The following BTBD16 variants were observed in gnomAD, a reference collection of about 807,000 sequenced individuals.
The protein encoded by BTBD16 is BTB domain containing 16, also known as BTB/POZ domain-containing protein 16.
In BTBD16, 66 loss-of-function variants were observed where a neutral mutation model predicts 67.4. That is an observed-to-expected ratio of 0.98 (90% confidence interval 0.80 to 1.20). The LOEUF is 1.20. BTBD16 is among the 50% of genes most tolerant of loss of function. The probability of loss-of-function intolerance (pLI) is 0.00; values close to 1 mark genes in which losing one functional copy is unlikely to be tolerated. For missense variants in BTBD16, 634 were observed against 616.0 expected (o/e 1.03, Z -0.31); for synonymous variants, 242 against 236.4 (o/e 1.02, Z -0.22).
intron 9 of BTBD16, among the ~76,000 whole-genome samples, chr10:122,301,463 T>C (rs977681062): frequency 6.6e-6 from 1 of 152,100 alleles, no homozygotes; most frequent in African/African-American, 2.4e-5. Flanking sequence ...TCCAGGGCTA[T>C]CACTGAAGGG....
intron 11 of BTBD16, 51 bp from the exon 12 acceptor site, chr10:122,331,125 G>A (rs368761159): frequency 1.3e-6 from 2 of 1,579,786 alleles, no homozygotes; most frequent in Non-Finnish European, 1.7e-6. Context: ...AGACTTTTGA[G>A]GCTCTGGTGT....
chr10:122,299,189 G>A, intron 9 of BTBD16, 55 bp downstream of exon 9: 1 of 1,593,140 alleles, frequency 6.3e-7, no homozygotes, highest in South Asian at 1.1e-5. Context: ...AGAAAGTAGG[G>A]GCCAGGCTGG....
At chr10:122,284,527 T>C (rs2096359581) in intron 4 of BTBD16, among the ~76,000 whole-genome samples, 1 of 152,162 alleles carries the variant, frequency 6.6e-6, no homozygotes, top group Non-Finnish European at 1.5e-5. Context: ...TTTGTCTCTT[T>C]GGGCTCTAAC....
At chr10:122,280,576 A>ATATTATATTG (rs1269384299) in intron 3 of BTBD16, among the ~76,000 whole-genome samples, 5 of 148,568 alleles carry the variant, frequency 3.4e-5, no homozygotes, top group Non-Finnish European at 5.9e-5. Flanking sequence ...ATATTATATT[A>ATATTATATTG]TATTATATTG....
At chr10:122,276,610 G>T (rs1231381408) in intron 2 of BTBD16, among the ~76,000 whole-genome samples, 181 bp from the exon 3 acceptor site, 1 of 152,134 alleles carries the variant, frequency 6.6e-6, no homozygotes, top group Non-Finnish European at 1.5e-5. Context: ...TGAGATCCTT[G>T]GTCTATGGAA....
chr10:122,311,533 G>A (rs1490748416), intron 10 of BTBD16, among the ~76,000 whole-genome samples: 2 of 152,212 alleles, frequency 1.3e-5, no homozygotes, highest in Non-Finnish European at 2.9e-5. Flanking sequence ...CATCTATGAA[G>A]GAAAAGTCAT....
intron 13 of BTBD16, among the ~76,000 whole-genome samples, chr10:122,333,593 G>T (rs1199161938): frequency 6.6e-6 from 1 of 152,112 alleles, no homozygotes; most frequent in East Asian, 1.9e-4. Flanking sequence ...TGAATGTTGG[G>T]GTGAGGCATG....
chr10:122,316,184 T>G (rs951612930), intron 10 of BTBD16, among the ~76,000 whole-genome samples: 3 of 152,260 alleles, frequency 2.0e-5, no homozygotes, highest in African/African-American at 7.2e-5. Flanking sequence ...AGAGAATCGC[T>G]TGAACCTGGG....
intron 5 of BTBD16, among the ~76,000 whole-genome samples, chr10:122,289,081 G>T (rs1313740634): frequency 6.6e-6 from 1 of 152,094 alleles, no homozygotes; most frequent in Non-Finnish European, 1.5e-5. Context: ...TGGTGGCAGG[G>T]GTCCCCAGAG....
rs373885352 is a variant in BTBD16 at position 122,315,994 on chromosome 10, C to T, written c.911+8686C>T. 7.9e-5 allele frequency among the ~76,000 whole-genome samples: 12 copies of T among 152,270 alleles called. No individual in the cohort carries two copies. In the East Asian group the frequency reaches 1.2e-3, roughly 15 times the overall value. On this transcript the variant is annotated intron_variant, in intron 10 of 15. Coordinates refer to ENST00000260723, the MANE Select transcript of BTBD16 (RefSeq NM_144587.5). ...AAATAGTCCACTCATAGGCCGGGCA[C>T]GGTGGCTCATGCCTGTAATCCCAGC... is the stretch of plus-strand genomic sequence containing the variant.
chr10:122,301,886 G>A (rs2096394668), intron 9 of BTBD16, among the ~76,000 whole-genome samples: 2 of 152,180 alleles, frequency 1.3e-5, no homozygotes, highest in South Asian at 4.1e-4. Context: ...CAAAGTCCAC[G>A]TCTTGCCCTG....
intron 7 of BTBD16, among the ~76,000 whole-genome samples, chr10:122,295,930 T>C (rs1221652651): frequency 6.6e-6 from 1 of 152,022 alleles, no homozygotes; most frequent in Non-Finnish European, 1.5e-5. Context: ...CTTCCATGAA[T>C]ACATGAAATG....
Position 122,276,866 on chromosome 10 carries a change from G to C in BTBD16, c.94G>C (p.Asp32His), listed in dbSNP as rs756368393. 21 of 1,614,124 alleles carry C rather than the reference G, an allele frequency of 1.3e-5. No homozygotes were observed. Among genetic ancestry groups the C allele is most frequent in the Non-Finnish European group, 1.7e-5 (20 of 1,180,056 alleles). The change falls in exon 3 of 16, where the codon GAC (aspartate) becomes CAC (histidine). Residue 32 changes from aspartate to histidine, a missense_variant. Coordinates refer to ENST00000260723, the MANE Select transcript of BTBD16 (RefSeq NM_144587.5). The stretch of plus-strand genomic sequence containing the variant: ...TTTGCCCAAACAGCCTTTCTCTGGG[G>C]ACCTGCTCTCACTTTCCCAGATGTG... Reference protein sequence around the residue: ...WRLPKQPFSGDLLSLSQMCKA... With the variant: ...WRLPKQPFSGHLLSLSQMCKA...
intron 10 of BTBD16, among the ~76,000 whole-genome samples, chr10:122,321,367 A>T (rs910006137): frequency 6.6e-6 from 1 of 152,170 alleles, no homozygotes; most frequent in African/African-American, 2.4e-5. Context: ...GTGGGTATAT[A>T]CCCAGTGATG....
intron 10 of BTBD16, among the ~76,000 whole-genome samples, chr10:122,313,821 C>G (rs897471501): frequency 2.0e-5 from 3 of 152,150 alleles, no homozygotes; most frequent in Non-Finnish European, 2.9e-5. Context: ...TTTGTCATAA[C>G]GTATTTTACA....
At chr10:122,289,776 C>G (rs183367378) in intron 5 of BTBD16, 133 bp from the exon 6 acceptor site, 4 of 545,768 alleles carry the variant, frequency 7.3e-6, no homozygotes, top group Non-Finnish European at 9.7e-6. Flanking sequence ...TTAATTACAT[C>G]TATGAAACAA....
At chr10:122,324,063 A>AC (rs1363448173) in intron 10 of BTBD16, among the ~76,000 whole-genome samples, 1 of 152,160 alleles carries the variant, frequency 6.6e-6, no homozygotes, top group Non-Finnish European at 1.5e-5. Flanking sequence ...TATGATCCCA[A>AC]CTTCTAGATT....
chr10:122,283,558 T>A (rs558017039), intron 3 of BTBD16, among the ~76,000 whole-genome samples: 2 of 152,312 alleles, frequency 1.3e-5, no homozygotes, highest in East Asian at 3.9e-4. Flanking sequence ...TAGATAATGT[T>A]TTAGACACTG....
At chr10:122,327,878 G>A (rs1590095954) in intron 10 of BTBD16, among the ~76,000 whole-genome samples, 1 of 152,204 alleles carries the variant, frequency 6.6e-6, no homozygotes, top group South Asian at 2.1e-4. Flanking sequence ...CCTGGTGGAG[G>A]GCAATGCTTT....
Sources: gnomAD v4.1 joint callset for allele counts (sites outside exome capture counted in the v4.1 genomes callset) on GRCh38, gnomAD v4.1.1 for gene constraint, MANE v1.5 for transcripts, NCBI Gene and HGNC (gene_info 2026-07-23, HGNC 2026-07-21) for gene names.